ING5: variants seen among roughly 807,000 people sequenced by gnomAD.
ING5 encodes inhibitor of growth family member 5.
A neutral mutation model predicts 37.4 loss-of-function variants in ING5; 17 were observed. The ratio of observed to expected loss-of-function variants is 0.45; its 90% CI spans 0.31 to 0.68. The LOEUF is 0.68. Ranked by LOEUF, ING5 falls within the 30% of genes least tolerant of loss-of-function variation. ING5 has a pLI of 0.05. For missense variants in ING5, 233 were observed against 311.9 expected (o/e 0.75, Z 1.91); for synonymous variants, 123 against 116.6 (o/e 1.06, Z -0.36).
chr2:241,703,146 T>A (rs2069796091), intron 1 of ING5, among the ~76,000 whole-genome samples: 1 of 152,276 alleles, frequency 6.6e-6, no homozygotes, highest in Admixed American at 6.5e-5. Flanking sequence ...GCCTTCTCTA[T>A]CCTGGTGCCC....
rs1257481220 is a variant in ING5, at chr2:241,726,737, G to C, written c.*1706G>C. ...GAAGGGAAAGCGCCAGAGAGGGCAG[G>C]CTACAGTGCTTCACACCCTTCGCCA... On this transcript the variant is annotated 3_prime_UTR_variant, in exon 8 of 8. Coordinates refer to ENST00000313552, the MANE Select transcript of ING5 (RefSeq NM_032329.6). 6.6e-6 allele frequency: 1 copy of C among 152,318 alleles called. No individual in the cohort carries two copies. The highest frequency in any genetic ancestry group is 1.9e-4 in the East Asian group (1 of 5,194). The allele number at this position is 152,318 out of a possible 1,614,324, so 9.4% of individuals were successfully genotyped here.
At chr2:241,695,641 G>A (rs1304827100) in intron 2 of ING5, among the ~76,000 whole-genome samples, 3 of 152,032 alleles carry the variant, frequency 2.0e-5, no homozygotes, top group Non-Finnish European at 2.9e-5. Flanking sequence ...AGCTGAGATC[G>A]CGCCACCACA....
At chr2:241,724,739 C>T in intron 7 of ING5, 1 of 551,070 alleles carries the variant, frequency 1.8e-6, no homozygotes, top group Non-Finnish European at 3.2e-6. Flanking sequence ...AGGAGGAACG[C>T]CTGGGTGTCA....
intron 1 of ING5, among the ~76,000 whole-genome samples, chr2:241,688,867 T>C (rs2069501256): frequency 1.3e-5 from 2 of 151,380 alleles, no homozygotes; most frequent in Non-Finnish European, 2.9e-5. Context: ...GGCGCAATCT[T>C]GGCTCACTGC....
At chr2:241,716,619 G>A (rs1329537588) in intron 5 of ING5, among the ~76,000 whole-genome samples, 1 of 152,122 alleles carries the variant, frequency 6.6e-6, no homozygotes, top group African/African-American at 2.4e-5. Context: ...TTGTTCTAGT[G>A]TGTGCACTCA....
intron 2 of ING5, among the ~76,000 whole-genome samples, chr2:241,705,979 G>A (rs2069899320): frequency 6.6e-6 from 1 of 152,092 alleles, no homozygotes; most frequent in Non-Finnish European, 1.5e-5. Context: ...GACCTCTTTG[G>A]AATAACTTTG....
intron 3 of ING5, 123 bp downstream of exon 3, chr2:241,709,505 C>T (rs1051190081): frequency 1.4e-5 from 12 of 854,688 alleles, no homozygotes; most frequent in South Asian, 1.4e-4. Flanking sequence ...TGGTAGCTGA[C>T]GCTGCTGGAG....
Position 241,711,464 on chromosome 2 carries a change from A to C in ING5, c.364A>C (p.Ser122Arg). ...KDKMEGSDFE[S>R]SGGRGLKKGR... is the part of the protein sequence containing the mutation. ...CAAGATGGAGGGCAGTGATTTTGAAAGCTCCGGAGGGCGAGGGTTAAAAAG... is the reference window on the plus strand; with the variant it reads ...CAAGATGGAGGGCAGTGATTTTGAACGCTCCGGAGGGCGAGGGTTAAAAAG... The change falls in exon 4 of 8, where the codon AGC becomes CGC. Residue 122 changes from serine (S) to arginine (R), a missense_variant. This residue lies in a region of ING5 where 76 missense variants were observed against 68.2 expected (regional missense o/e 1.11). Transcript: ENST00000313552. 6.2e-7 allele frequency: 1 copy of C among 1,606,416 alleles called. No individual in the cohort carries two copies. The highest frequency in any genetic ancestry group is 8.5e-7 in the Non-Finnish European group (1 of 1,177,164).
intron 1 of ING5, among the ~76,000 whole-genome samples, chr2:241,702,360 G>A (rs2069765316): frequency 6.7e-6 from 1 of 148,918 alleles, no homozygotes; most frequent in Admixed American, 6.6e-5. Context: ...GCCTGGCGAT[G>A]CTGGGCGGGG....
At chr2:241,719,392 A>T in intron 5 of ING5, 1 of 610,264 alleles carries the variant, frequency 1.6e-6, no homozygotes, top group Non-Finnish European at 2.9e-6. Flanking sequence ...CTCTGGCTGC[A>T]GGTCATCTAG....
rs1691723324 is a variant in ING5, at chr2:241,729,033, G to A, written c.*4002G>A. The A allele has an allele frequency of 6.6e-6, 1 of 152,256 alleles. No individual in the cohort carries two copies. Among genetic ancestry groups the A allele is most frequent in the Admixed American group, 6.5e-5 (1 of 15,276 alleles). 9.4% of individuals were successfully genotyped at this position (152,256 alleles called of 1,614,324 possible). A position where few individuals can be genotyped will look rare whatever the true frequency, so the allele number is the denominator to read the frequency against. The stretch of plus-strand genomic sequence containing the variant: ...TTCCCACATGACCCCAGAGCCGAGG[G>A]TCTGCCCTGTCCTAGGTTAGGTCTT... On this transcript the variant is annotated 3_prime_UTR_variant, in exon 8 of 8. Coordinates refer to ENST00000313552, the MANE Select transcript of ING5 (RefSeq NM_032329.6).
intron 5 of ING5, chr2:241,720,542 C>T: frequency 1.0e-6 from 1 of 989,552 alleles, no homozygotes; most frequent in Non-Finnish European, 1.2e-6. Flanking sequence ...CGAGGCAGAA[C>T]CTGTGTGTGT....
At chr2:241,723,143 G>C (rs996645582) in intron 6 of ING5, 67 bp from the exon 7 acceptor site, 1 of 1,613,656 alleles carries the variant, frequency 6.2e-7, no homozygotes, top group Non-Finnish European at 8.5e-7. Flanking sequence ...GCGGATGTTG[G>C]CATTTCTTGT....
chr2:241,721,591 C>T (rs1320792322), intron 5 of ING5: 143 of 985,306 alleles, frequency 1.5e-4, no homozygotes, highest in Non-Finnish European at 1.7e-4. Flanking sequence ...GACTTCTGCT[C>T]CTTGGCTTTC....
At chr2:241,723,485 G>A (rs2070478292) in intron 7 of ING5, among the ~76,000 whole-genome samples, 1 of 152,216 alleles carries the variant, frequency 6.6e-6, no homozygotes, top group East Asian at 1.9e-4. Flanking sequence ...GTGCCTGTCC[G>A]AGCTGGCAGA....
At chr2:241,705,436 T>C (rs3887696) in intron 2 of ING5, among the ~76,000 whole-genome samples, 74,681 of 140,604 alleles carry the variant, frequency 0.53, 20,808 homozygotes, top group Admixed American at 0.64. Context: ...CTCACTCTGT[T>C]GCCCAGGCTA....
intron 5 of ING5, among the ~76,000 whole-genome samples, chr2:241,716,815 AAT>A (rs1311244348): frequency 6.6e-6 from 1 of 152,190 alleles, no homozygotes; most frequent in Admixed American, 6.5e-5. Context: ...CACGCCTTAA[AAT>A]ATATGTGGAA....
upstream of ING5, chr2:241,701,988 G>T (rs1056435670): frequency 2.0e-5 from 21 of 1,074,898 alleles, no homozygotes; most frequent in Admixed American, 6.6e-4. Context: ...TGAATAGTGA[G>T]CGCGCTGGCA....
At chr2:241,717,425 A>G (rs1483238867) in intron 5 of ING5, among the ~76,000 whole-genome samples, 3 of 151,940 alleles carry the variant, frequency 2.0e-5, no homozygotes, top group Non-Finnish European at 2.9e-5. Context: ...TTTTCCATAC[A>G]TATTCTGCTT....
Sources: gnomAD v4.1 joint callset for allele counts (sites outside exome capture counted in the v4.1 genomes callset) on GRCh38, gnomAD v4.1.1 for gene constraint, gnomAD v4.1.1 regional missense constraint, MANE v1.5 for transcripts, NCBI Gene and HGNC (gene_info 2026-07-23, HGNC 2026-07-21) for gene names.